The following STXBP5 variants were observed in gnomAD, a reference collection of about 807,000 sequenced individuals.
STXBP5 encodes the protein syntaxin-binding protein 5.
In STXBP5, 50 loss-of-function variants were observed where a neutral mutation model predicts 152.4. The observed-to-expected ratio is 0.33, with a 90% CI of 0.26 to 0.42. The LOEUF (loss-of-function observed/expected upper bound fraction) is 0.42, where lower values mean the gene tolerates loss of function less well. Among genes scored for constraint, STXBP5 ranks in the 10% least tolerant of loss-of-function variants. The pLI, the probability that STXBP5 is intolerant of heterozygous loss-of-function variation, is 1.00. For missense variants in STXBP5, 1,167 were observed against 1,388.6 expected, an observed-to-expected ratio of 0.84 and a Z score of 2.54; for synonymous variants, 492 against 494.7, an observed-to-expected ratio of 0.99 and a Z score of 0.07.
At chr6:147,348,279 T>G (rs1359473357) in intron 21 of STXBP5, among the ~76,000 whole-genome samples, 2 of 152,068 alleles carry the variant, frequency 1.3e-5, no homozygotes, top group Admixed American at 6.6e-5. Flanking sequence ...GATAGATGCC[T>G]CTTCATGCAA....
At chr6:147,206,098 T>C (rs1158991483) in intron 2 of STXBP5, 30 bp downstream of exon 2, 1 of 1,572,878 alleles carries the variant, frequency 6.4e-7, no homozygotes, top group Non-Finnish European at 8.8e-7. Flanking sequence ...ATTTTTTAAC[T>C]TCTACTTTGT....
chr6:147,303,697 G>A (rs1417896764), intron 9 of STXBP5, among the ~76,000 whole-genome samples: 2 of 152,204 alleles, frequency 1.3e-5, no homozygotes, highest in African/African-American at 2.4e-5. Flanking sequence ...AAGACCGAAA[G>A]ATATGGGAAA....
intron 2 of STXBP5, among the ~76,000 whole-genome samples, chr6:147,213,430 ATATATGTGTGTGTG>A (rs1429957435): frequency 1.5e-5 from 1 of 68,402 alleles, no homozygotes; most frequent in Non-Finnish European, 3.1e-5. Context: ...ACATAATTTT[ATATATGTGTGTGTG>A]TGTGTGTGTG....
At chr6:147,370,978 T>G (rs954634063) in intron 25 of STXBP5, among the ~76,000 whole-genome samples, 1 of 152,030 alleles carries the variant, frequency 6.6e-6, no homozygotes, top group African/African-American at 2.4e-5. Context: ...ATTCATGAAA[T>G]TAGTCCTAAA....
At chr6:147,213,473 T>TGCGC (rs1402421132) in intron 2 of STXBP5, among the ~76,000 whole-genome samples, 2 of 126,424 alleles carry the variant, frequency 1.6e-5, no homozygotes, top group Non-Finnish European at 3.5e-5. Context: ...TGTGTGTGTG[T>TGCGC]GTGTGCGCGC....
At chr6:147,216,283 T>G (rs532191965) in intron 2 of STXBP5, among the ~76,000 whole-genome samples, 3 of 152,102 alleles carry the variant, frequency 2.0e-5, no homozygotes, top group Admixed American at 2.0e-4. Flanking sequence ...TCCCAGCTAC[T>G]TGGGAGGCTG....
intron 18 of STXBP5, among the ~76,000 whole-genome samples, chr6:147,331,804 T>TAAA (rs1562250948): frequency 9.1e-6 from 1 of 110,386 alleles, no homozygotes; most frequent in African/African-American, 3.4e-5. Context: ...TTTCTACCAG[T>TAAA]TAAAAAAAAA....
intron 4 of STXBP5, among the ~76,000 whole-genome samples, chr6:147,257,130 G>A (rs894983133): frequency 1.3e-5 from 2 of 151,536 alleles, no homozygotes; most frequent in South Asian, 2.1e-4. Context: ...TGTAAGATAT[G>A]TTTAAGTCAA....
At chr6:147,327,359 T>A (rs1783317877) in intron 18 of STXBP5, 83 bp downstream of exon 18, 1 of 1,456,958 alleles carries the variant, frequency 6.9e-7, no homozygotes, top group Non-Finnish European at 9.1e-7. Context: ...GTATTATAGT[T>A]AGGTAAATAG....
intron 2 of STXBP5, among the ~76,000 whole-genome samples, chr6:147,216,100 A>T (rs762453567): frequency 6.6e-6 from 1 of 152,166 alleles, no homozygotes; most frequent in Non-Finnish European, 1.5e-5. Context: ...TGTATTTTTT[A>T]AAAATTCATG....
intron 25 of STXBP5, among the ~76,000 whole-genome samples, chr6:147,366,804 T>G (rs1224037245): frequency 6.6e-6 from 1 of 152,182 alleles, no homozygotes; most frequent in East Asian, 1.9e-4. Context: ...CAGCCACTAC[T>G]CCAGATATGC....
chr6:147,224,735 A>G lies in STXBP5; in HGVS notation c.249-10515A>G, dbSNP rs562726975. 1.1e-4 allele frequency among the ~76,000 whole-genome samples: 16 copies of G among 152,324 alleles called. No homozygotes were observed. The East Asian group carries it at 2.9e-3, about 28-fold the overall frequency. ...CCCCCATAACAGTGTGGATGAAGAA[A>G]TCAAAGGTTTCTGATGATGCTCAAT... On this transcript the variant is annotated intron_variant, in intron 2 of 27. Coordinates refer to ENST00000321680, the MANE Select transcript of STXBP5 (RefSeq NM_001127715.4).
chr6:147,314,411 C>G lies in STXBP5; in HGVS notation c.1361+80C>G. 2.1e-6 allele frequency: 3 copies of G among 1,396,646 alleles called. No individual in the cohort carries two copies. In the South Asian group the frequency reaches 3.5e-5, roughly 16 times the overall value. The allele number at this position is 1,396,646 out of a possible 1,614,324, so 86.5% of individuals were successfully genotyped here. ...TTGAGACTACATGAATGTTAACTTA[C>G]TGGACAGGTAGAGCTTTCCTTTATG... On this transcript the variant is annotated intron_variant, in intron 13 of 27. Transcript: ENST00000321680.
At chr6:147,263,476 G>A (rs977913077) in intron 6 of STXBP5, among the ~76,000 whole-genome samples, 5 of 151,222 alleles carry the variant, frequency 3.3e-5, no homozygotes, top group South Asian at 2.1e-4. Context: ...ATAAGCACAA[G>A]CCACTGTGCC....
At chr6:147,206,882 C>T (rs1372894075) in intron 2 of STXBP5, among the ~76,000 whole-genome samples, 2 of 151,708 alleles carry the variant, frequency 1.3e-5, no homozygotes, top group Non-Finnish European at 2.9e-5. Context: ...TTTTCTTTTA[C>T]TGTGACTTTG....
intron 5 of STXBP5, 64 bp from the exon 6 acceptor site, chr6:147,262,221 GAATGA>G: frequency 1.2e-6 from 1 of 847,270 alleles, no homozygotes; most frequent in East Asian, 2.8e-5. Context: ...ATTTTTATTG[GAATGA>G]AATATGTAGC....
At chr6:147,349,158 T>C (rs1364946520) in intron 21 of STXBP5, among the ~76,000 whole-genome samples, 1 of 152,026 alleles carries the variant, frequency 6.6e-6, no homozygotes, top group Non-Finnish European at 1.5e-5. Flanking sequence ...ATTCTGTGCA[T>C]TGAAAAAAAA....
chr6:147,204,589 G>C lies in STXBP5; in HGVS notation c.57G>C (p.Ser19=). The stretch of plus-strand genomic sequence containing the variant: ...ACGGCCTGACCGCCGGCTCGTCCTC[G>C]GCGTCGCAGCAGCAACAGCAGCAGC... ...VLDGLTAGSS[S]ASQQQQQQHP... is the part of the protein sequence containing the mutation. The change falls in exon 1 of 28, where the codon TCG becomes TCC. Residue 19 remains serine (S), a synonymous_variant. Transcript: ENST00000321680. The surrounding 1 kb of genome is among the most constrained non-coding windows in gnomAD (Gnocchi z 4.3). 1.2e-6 allele frequency: 2 copies of C among 1,608,416 alleles called. No homozygotes were observed. The highest frequency in any genetic ancestry group is 1.7e-6 in the Non-Finnish European group (2 of 1,177,630).
chr6:147,359,019 A>C (rs1784937985), intron 22 of STXBP5, 65 bp from the exon 23 acceptor site: 1 of 1,549,198 alleles, frequency 6.5e-7, no homozygotes, highest in South Asian at 1.2e-5. Flanking sequence ...AATTTATATT[A>C]AAAAACAACA....
Sources: allele counts gnomAD v4.1 joint callset (sites outside exome capture counted in the v4.1 genomes callset), GRCh38; gene constraint gnomAD v4.1.1; non-coding constraint Gnocchi (gnomAD v3.1); transcripts MANE v1.5; gene names NCBI Gene and HGNC (gene_info 2026-07-23, HGNC 2026-07-21).